PRKAR1B: variants seen among roughly 807,000 people sequenced by gnomAD.
The protein encoded by PRKAR1B is protein kinase cAMP-dependent type I regulatory subunit beta.
PRKAR1B carries 22 observed loss-of-function variants against 46.5 expected under a neutral mutation model. That is an observed-to-expected ratio of 0.47 (90% CI 0.34 to 0.68). PRKAR1B has a LOEUF of 0.68. PRKAR1B is among the 30% of genes least tolerant of loss of function. PRKAR1B has a pLI of 0.01. For synonymous variants in PRKAR1B, 259 were observed against 217.7 expected (o/e 1.19, Z -1.67); for missense variants, 445 against 535.6 (o/e 0.83, Z 1.67).
intron 4 of PRKAR1B, among the ~76,000 whole-genome samples, chr7:674,300 A>G (rs2128503926): frequency 6.6e-6 from 1 of 151,594 alleles, no homozygotes; most frequent in African/African-American, 2.4e-5. Flanking sequence ...TACTCTAGTC[A>G]TGCCCAGCAA....
At chr7:707,507 G>A (rs946261641) in intron 2 of PRKAR1B, among the ~76,000 whole-genome samples, 10 of 152,144 alleles carry the variant, frequency 6.6e-5, no homozygotes, top group African/African-American at 2.4e-4. Context: ...GAAGGCCGCT[G>A]GGATCCGTGA....
intron 1 of PRKAR1B, among the ~76,000 whole-genome samples, chr7:722,618 C>G (rs562955603): frequency 6.8e-6 from 1 of 146,056 alleles, no homozygotes; most frequent in South Asian, 2.2e-4. Flanking sequence ...GTGATCTGCC[C>G]GCCTTGGCCT....
At chr7:555,759 T>A (rs773799398) in intron 9 of PRKAR1B, among the ~76,000 whole-genome samples, 3 of 152,288 alleles carry the variant, frequency 2.0e-5, no homozygotes, top group Non-Finnish European at 4.4e-5. Flanking sequence ...AGAGTCCCGC[T>A]GCCTCCACAA....
chr7:631,589 C>T (rs1310472493), intron 4 of PRKAR1B, among the ~76,000 whole-genome samples: 3 of 152,184 alleles, frequency 2.0e-5, no homozygotes, highest in Admixed American at 6.5e-5. Context: ...AGCCGGGGCA[C>T]GGTGTGCAGG....
chr7:585,704 G>A (rs537912806), intron 7 of PRKAR1B, among the ~76,000 whole-genome samples: 1 of 152,222 alleles, frequency 6.6e-6, no homozygotes, highest in African/African-American at 2.4e-5. Context: ...AGATAACCCT[G>A]AGAGGGGAAC....
intron 2 of PRKAR1B, among the ~76,000 whole-genome samples, chr7:710,516 G>A (rs1780563281): frequency 6.6e-6 from 1 of 152,134 alleles, no homozygotes; most frequent in Non-Finnish European, 1.5e-5. Context: ...AAGACCGTGA[G>A]CAGGCCTGAG....
At chr7:647,825 AAAAAAAC>A (rs1784698158) in intron 4 of PRKAR1B, among the ~76,000 whole-genome samples, 1 of 151,170 alleles carries the variant, frequency 6.6e-6, no homozygotes, top group Non-Finnish European at 1.5e-5. Flanking sequence ...AAAAAAAAAA[AAAAAAAC>A]CTCCTCGCAT....
chr7:688,171 C>G (rs1444309795), intron 2 of PRKAR1B, among the ~76,000 whole-genome samples: 1 of 149,730 alleles, frequency 6.7e-6, no homozygotes, highest in South Asian at 2.1e-4. Context: ...GAGGCCAAGG[C>G]GGGCGGATCA....
At chr7:661,307 C>A (rs181960767) in intron 4 of PRKAR1B, among the ~76,000 whole-genome samples, 2 of 55,950 alleles carry the variant, frequency 3.6e-5, no homozygotes, top group Admixed American at 3.0e-4. Context: ...TACTCTCCCC[C>A]CCATGGCACA....
At chr7:689,357 G>A (rs1779284223) in intron 2 of PRKAR1B, among the ~76,000 whole-genome samples, 1 of 152,104 alleles carries the variant, frequency 6.6e-6, no homozygotes, top group Non-Finnish European at 1.5e-5. Context: ...TCCTGACCTT[G>A]TGATCCACCC....
chr7:726,541 G>C (rs1781290527), intron 1 of PRKAR1B: 2 of 434,874 alleles, frequency 4.6e-6, no homozygotes, highest in South Asian at 1.2e-4. Flanking sequence ...AGGCTGGCGG[G>C]GGTTCCGGCG....
intron 7 of PRKAR1B, among the ~76,000 whole-genome samples, chr7:586,157 C>A (rs1001607963): frequency 3.9e-5 from 6 of 152,130 alleles, no homozygotes; most frequent in Non-Finnish European, 8.8e-5. Context: ...AACAACACAC[C>A]CACCCTAGAC....
Position 620,616 on chromosome 7 carries a change from T to C in PRKAR1B, c.441-13164A>G, listed in dbSNP as rs141731739. 5.6e-3 allele frequency among the ~76,000 whole-genome samples: 854 copies of C among 152,382 alleles called. 11 individuals are homozygous for C. Among genetic ancestry groups the C allele is most frequent in the African/African-American group, 0.019 (790 of 41,590 alleles). On this transcript the variant is annotated intron_variant, in intron 4 of 10. Coordinates refer to ENST00000537384, the MANE Select transcript of PRKAR1B (RefSeq NM_001164760.2). ...AAGAAAAATTGTGTATATTTATTTA[T>C]GGATTCCTTGGGCTTCTTAATGATG...
intron 7 of PRKAR1B, among the ~76,000 whole-genome samples, chr7:589,456 GT>G (rs997540279): frequency 7.2e-5 from 11 of 151,842 alleles, no homozygotes; most frequent in African/African-American, 2.2e-4. Flanking sequence ...CTCCCAGAAG[GT>G]GATGACGATA....
chr7:681,323 TA>T (rs1159377371), intron 2 of PRKAR1B, among the ~76,000 whole-genome samples: 2,070 of 114,096 alleles, frequency 0.018, 17 homozygotes, highest in African/African-American at 0.034. Flanking sequence ...CCTGTCTCTA[TA>T]AAAAAAAAAA....
chr7:691,781 A>C, intron 2 of PRKAR1B: 1 of 1,194,466 alleles, frequency 8.4e-7, no homozygotes, highest in Non-Finnish European at 1.1e-6. Context: ...AAACACCGGC[A>C]ATCACCTCCT....
rs1300405832 is a variant in PRKAR1B at position 644,693 on chromosome 7, T to G, written c.440+32536A>C. On this transcript the variant is annotated intron_variant, in intron 4 of 10. Transcript: ENST00000537384. This position sits in a 1 kb window ranked among gnomAD's most constrained non-coding sequence, Gnocchi z 4.9. ...GGGAGACTTTCAACCCACCAGGGCC[T>G]GGGTGGCTGGACCACAGCCCAGCAA... Among the ~76,000 whole-genome samples the G allele has an allele frequency of 6.6e-6, 1 of 152,162 alleles. No homozygotes were observed. Among genetic ancestry groups the G allele is most frequent in the African/African-American group, 2.4e-5 (1 of 41,434 alleles).
At chr7:613,616 C>G (rs911464901) in intron 4 of PRKAR1B, among the ~76,000 whole-genome samples, 1 of 152,190 alleles carries the variant, frequency 6.6e-6, no homozygotes, top group Non-Finnish European at 1.5e-5. Flanking sequence ...CTCAGCCCAT[C>G]GTTCCGCACT....
At chr7:652,484 A>G (rs1784962497) in intron 4 of PRKAR1B, among the ~76,000 whole-genome samples, 1 of 147,694 alleles carries the variant, frequency 6.8e-6, no homozygotes, top group Non-Finnish European at 1.5e-5. Flanking sequence ...CCCCTCTCGG[A>G]AGACAGTTCA....
Sources: allele counts gnomAD v4.1 joint callset (sites outside exome capture counted in the v4.1 genomes callset), GRCh38; gene constraint gnomAD v4.1.1; non-coding constraint Gnocchi (gnomAD v3.1); transcripts MANE v1.5; gene names NCBI Gene and HGNC (gene_info 2026-07-23, HGNC 2026-07-21).